Variants in COX18 observed in about 807,000 individuals in gnomAD.
COX18 encodes the protein cytochrome c oxidase assembly factor COX18.
COX18 carries 45 observed loss-of-function variants against 38.0 expected under a neutral mutation model. The observed-to-expected ratio is 1.18, with a 90% CI of 0.93 to 1.52. The LOEUF (loss-of-function observed/expected upper bound fraction) is 1.52. Among genes scored for constraint, COX18 ranks in the 40% most tolerant of loss-of-function variants. COX18 has a pLI of 0.00. For missense variants in COX18, 462 were observed against 423.8 expected, an observed-to-expected ratio of 1.09 and a Z score of -0.79; for synonymous variants, 177 against 169.8, an observed-to-expected ratio of 1.04 and a Z score of -0.33.
chr4:73,069,759 TGC>T (rs1391999182), upstream of COX18: 33 of 1,042,336 alleles, frequency 3.2e-5, no homozygotes, highest in Non-Finnish European at 4.1e-5. Flanking sequence ...ATAAAGCGCA[TGC>T]GCGCCTGCCT....
chr4:73,063,793 G>A (rs1173739979), intron 4 of COX18, among the ~76,000 whole-genome samples: 1 of 152,170 alleles, frequency 6.6e-6, no homozygotes, highest in Non-Finnish European at 1.5e-5. Context: ...TTCCTCATCT[G>A]AAAGAATAAG....
intron 3 of COX18, 142 bp from the exon 4 acceptor site, chr4:73,065,044 C>A: frequency 2.0e-6 from 2 of 982,798 alleles, no homozygotes; most frequent in Non-Finnish European, 3.0e-6. Flanking sequence ...CAGTTTTTCA[C>A]GCACAATATA....
intron 4 of COX18, among the ~76,000 whole-genome samples, chr4:73,062,219 C>G (rs1159556278): frequency 1.3e-5 from 2 of 151,980 alleles, no homozygotes; most frequent in Admixed American, 1.3e-4. Flanking sequence ...AACCACTGCA[C>G]TCAGCTTGAT....
intron 1 of COX18, 35 bp downstream of exon 1, chr4:73,069,282 A>G (rs768641660): frequency 3.6e-5 from 51 of 1,422,408 alleles, no homozygotes; most frequent in Non-Finnish European, 4.1e-5. Flanking sequence ...CAGGGGTTGC[A>G]GCGCAGGGTA....
intron 4 of COX18, 139 bp downstream of exon 4, chr4:73,064,639 C>T (rs752065001): frequency 6.0e-5 from 57 of 942,638 alleles, no homozygotes; most frequent in Middle Eastern, 3.5e-4. Context: ...CAATGCCTGA[C>T]GTGGAACCAG....
In COX18 at chr4:73,056,763, TA is replaced by T. The variant is rs1343357318; in HGVS notation, c.*1350del. On this transcript the variant is annotated 3_prime_UTR_variant, in exon 6 of 6. Coordinates refer to ENST00000507544, the MANE Select transcript of COX18 (RefSeq NM_001297732.2). ...TAAGATTTTTCTGAAGAGAAAACCA[TA>T]CATATATAGCCTTTTTTCAGATGCT... The T allele has an allele frequency of 2.0e-5, 3 of 152,158 alleles. No individual in the cohort carries two copies. The highest frequency in any genetic ancestry group is 7.2e-5 in the African/African-American group (3 of 41,440). The allele number at this position is 152,158 out of a possible 1,614,324, so 9.4% of individuals were successfully genotyped here.
chr4:73,066,355 C>T (rs1034985175), intron 2 of COX18, among the ~76,000 whole-genome samples: 1 of 152,130 alleles, frequency 6.6e-6, no homozygotes, highest in Non-Finnish European at 1.5e-5. Flanking sequence ...GTCCATCTGA[C>T]ACACCGTCTT....
intron 1 of COX18, 98 bp from the exon 2 acceptor site, chr4:73,068,227 T>C (rs777476842): frequency 2.8e-4 from 201 of 723,532 alleles, no homozygotes; most frequent in Non-Finnish European, 1.1e-4. Context: ...TTTAAAAATG[T>C]AGTTTACTGA....
intron 3 of COX18, 70 bp downstream of exon 3, chr4:73,065,180 T>A: frequency 9.2e-7 from 1 of 1,088,016 alleles, no homozygotes; most frequent in Non-Finnish European, 1.3e-6. Flanking sequence ...TGCTTTTTTT[T>A]TTTTTTTTTT....
chr4:73,059,494 G>A (rs981965893), intron 5 of COX18, among the ~76,000 whole-genome samples: 8 of 152,164 alleles, frequency 5.3e-5, no homozygotes, highest in African/African-American at 1.9e-4. Flanking sequence ...TCAGTCTTTA[G>A]GGGCAGAAAG....
In COX18 at chr4:73,057,016, T is replaced by C. The variant is rs949601019; in HGVS notation, c.*1098A>G. The C allele has an allele frequency of 4.0e-5, 6 of 151,012 alleles. No homozygotes were observed. Among genetic ancestry groups the C allele is most frequent in the African/African-American group, 1.2e-4 (5 of 40,956 alleles). The allele number at this position is 151,012 out of a possible 1,614,324, so 9.4% of individuals were successfully genotyped here. On this transcript the variant is annotated 3_prime_UTR_variant, in exon 6 of 6. Transcript: ENST00000507544. Reference sequence around the variant, plus strand: ...CACCCCTGTAGTCCCAGCTACCCAGTAGGCTGAGGTAGGAGAATTGCTTGA... The same window carrying C: ...CACCCCTGTAGTCCCAGCTACCCAGCAGGCTGAGGTAGGAGAATTGCTTGA...
chr4:73,059,083 G>A (rs749757486), intron 5 of COX18, among the ~76,000 whole-genome samples: 3 of 152,152 alleles, frequency 2.0e-5, no homozygotes, highest in African/African-American at 2.4e-5. Flanking sequence ...GCTGTCAGCC[G>A]GCTCCTAATC....
In COX18 at chr4:73,056,592, C is replaced by CCA. The variant is rs1719894491; in HGVS notation, c.*1521_*1522insTG. ...GGACTTGTATGCATGGACTACTTTA[C>CCA]TGCATATATTTCAAGTTGCCCCCGC... On this transcript the variant is annotated 3_prime_UTR_variant, in exon 6 of 6. Transcript: ENST00000507544. 1 of 152,132 alleles carries CCA rather than the reference C, an allele frequency of 6.6e-6. No individual in the cohort carries two copies. Among genetic ancestry groups the CCA allele is most frequent in the Admixed American group, 6.6e-5 (1 of 15,262 alleles). The allele number at this position is 152,132 out of a possible 1,614,324, so 9.4% of individuals were successfully genotyped here.
rs1720196017 is a variant in COX18 at position 73,062,026 on chromosome 4, T to C, written c.724-106A>G. ...TTTTCACTGGCCTCCATCTACACTT[T>C]AATAAAAGTTATATATATACACACA... is the stretch of plus-strand genomic sequence containing the variant. On this transcript the variant is annotated intron_variant, in intron 4 of 5. Transcript: ENST00000507544. The C allele has an allele frequency of 2.1e-5, 13 of 625,782 alleles. No individual in the cohort carries two copies. In the East Asian group the frequency reaches 3.4e-4, roughly 16 times the overall value. 38.8% of individuals were successfully genotyped at this position (625,782 alleles called of 1,614,324 possible). A position where few individuals can be genotyped will look rare whatever the true frequency, so the allele number is the denominator to read the frequency against.
Position 73,057,881 on chromosome 4 carries a change from AGGCT to A in COX18, c.*229_*232del, listed in dbSNP as rs1214426240. 2.5e-5 allele frequency: 6 copies of A among 236,640 alleles called. No homozygotes were observed. Among genetic ancestry groups the A allele is most frequent in the African/African-American group, 9.1e-5 (4 of 43,814 alleles). 14.7% of individuals were successfully genotyped at this position (236,640 alleles called of 1,614,324 possible). A position where few individuals can be genotyped will look rare whatever the true frequency, so the allele number is the denominator to read the frequency against. Reference sequence around the variant, plus strand: ...CAGACAGGGTTTCACCATGTTGGCCAGGCTGGTCTCAAACTCCAGACCTCAGGTG... The same window carrying A: ...CAGACAGGGTTTCACCATGTTGGCCAGGTCTCAAACTCCAGACCTCAGGTG... On this transcript the variant is annotated 3_prime_UTR_variant, in exon 6 of 6. Transcript: ENST00000507544.
At chr4:73,067,376 C>T (rs960452216) in intron 2 of COX18, among the ~76,000 whole-genome samples, 8 of 152,144 alleles carry the variant, frequency 5.3e-5, no homozygotes, top group Admixed American at 2.6e-4. Flanking sequence ...TGTACATCAT[C>T]TTTATATAAC....
Position 73,064,914 on chromosome 4 carries a change from T to G in COX18, c.599-12A>C, listed in dbSNP as rs1720362267. 6.2e-7 allele frequency: 1 copy of G among 1,611,876 alleles called. No homozygotes were observed. The highest frequency in any genetic ancestry group is 8.5e-7 in the Non-Finnish European group (1 of 1,178,920). On this transcript the variant is annotated splice_polypyrimidine_tract_variant and intron_variant, in intron 3 of 5. Transcript: ENST00000507544. ...AACAGAAAAACCTGCTAAAACAGTTTTATAAATAAAACAATAGAAGTCCTA... is the reference window on the plus strand; with the variant it reads ...AACAGAAAAACCTGCTAAAACAGTTGTATAAATAAAACAATAGAAGTCCTA...
rs887581927 is a variant in COX18 at position 73,056,844 on chromosome 4, G to A, written c.*1270C>T. The stretch of plus-strand genomic sequence containing the variant: ...AAAATAATAAGAAACATCTCAGCTG[G>A]GCACAGTGGCTCACGCCTGTAATCC... On this transcript the variant is annotated 3_prime_UTR_variant, in exon 6 of 6. Transcript: ENST00000507544. 4 of 152,314 alleles carry A rather than the reference G, an allele frequency of 2.6e-5. No homozygotes were observed. The highest frequency in any genetic ancestry group is 2.9e-5 in the Non-Finnish European group (2 of 68,176). The allele number at this position is 152,314 out of a possible 1,614,324, so 9.4% of individuals were successfully genotyped here.
Position 73,069,348 on chromosome 4 carries a change from A to C in COX18, c.302T>G (p.Leu101Trp). The C allele has an allele frequency of 6.4e-7, 1 of 1,550,760 alleles. No homozygotes were observed. The highest frequency in any genetic ancestry group is 1.4e-5 in the African/African-American group (1 of 73,354). ...CAGGATGTAGTGCTGGTAGGCTGCC[A>C]AAGGCAGCGTGACAGCACCCCGTAA... ...VALRGAVTLP[L>W]AAYQHYILAK... The change falls in exon 1 of 6, where the codon TTG becomes TGG. Residue 101 changes from leucine to tryptophan, a missense_variant. By Grantham distance (61) the Leu-to-Trp change is moderately conservative. Transcript: ENST00000507544.
Sources: allele counts gnomAD v4.1 joint callset (sites outside exome capture counted in the v4.1 genomes callset), GRCh38; gene constraint gnomAD v4.1.1; transcripts MANE v1.5; gene names NCBI Gene and HGNC (gene_info 2026-07-23, HGNC 2026-07-21).